Variants in USP48 observed in about 807,000 individuals in gnomAD.
The protein encoded by USP48 is ubiquitin specific peptidase 48.
Under a neutral mutation model 150.7 loss-of-function variants are expected in USP48, and 43 were observed. The ratio of observed to expected loss-of-function variants is 0.29; its 90% CI spans 0.22 to 0.37. USP48 has a LOEUF of 0.37. USP48 is among the 10% of genes least tolerant of loss of function. USP48 has a pLI of 1.00. For missense variants in USP48, 813 were observed against 1,249.6 expected (o/e 0.65, Z 5.27); for synonymous variants, 396 against 425.9 (o/e 0.93, Z 0.86).
intron 11 of USP48, among the ~76,000 whole-genome samples, chr1:21,725,894 T>C (rs7554400): frequency 0.73 from 111,301 of 152,070 alleles, 41,260 homozygotes; most frequent in Admixed American, 0.81. Context: ...CTGCCAGGGA[T>C]AGAGTACACT....
At chr1:21,722,006 CTAAA>C (rs753987690) in intron 12 of USP48, among the ~76,000 whole-genome samples, 1 of 151,954 alleles carries the variant, frequency 6.6e-6, no homozygotes, top group Non-Finnish European at 1.5e-5. Context: ...TTAAAAGTAT[CTAAA>C]TACAGTATCT....
At chr1:21,680,661 A>G in intron 26 of USP48, 147 bp downstream of exon 26, 1 of 759,040 alleles carries the variant, frequency 1.3e-6, no homozygotes, top group Non-Finnish European at 2.1e-6. Flanking sequence ...AAGAAGCTTG[A>G]GTAAGAAATG....
chr1:21,762,995 T>C (rs988874344), intron 1 of USP48, among the ~76,000 whole-genome samples: 3 of 152,082 alleles, frequency 2.0e-5, no homozygotes, highest in African/African-American at 7.2e-5. Context: ...CTCCAGTTCC[T>C]GATAGCAAAA....
intron 9 of USP48, among the ~76,000 whole-genome samples, chr1:21,733,957 A>G (rs1301580635): frequency 6.6e-6 from 1 of 152,156 alleles, no homozygotes; most frequent in Non-Finnish European, 1.5e-5. Flanking sequence ...CGCTCAACCC[A>G]GTTAATGTGC....
intron 1 of USP48, among the ~76,000 whole-genome samples, chr1:21,758,185 AACACACACACAC>A (rs149088635): frequency 1.2e-3 from 168 of 141,446 alleles, no homozygotes; most frequent in East Asian, 0.011. Context: ...GCAACTGTAA[AACACACACACAC>A]ACACACACAC....
intron 1 of USP48, among the ~76,000 whole-genome samples, chr1:21,770,040 C>T (rs1336002148): frequency 6.6e-6 from 1 of 151,824 alleles, no homozygotes; most frequent in African/African-American, 2.4e-5. Context: ...ATGTACAGCA[C>T]TGTTGGTCCC....
intron 9 of USP48, among the ~76,000 whole-genome samples, chr1:21,730,835 A>G (rs2097754999): frequency 6.7e-6 from 1 of 149,656 alleles, no homozygotes; most frequent in Non-Finnish European, 1.5e-5. Context: ...ATCTTGGCTC[A>G]CTGCAACCTC....
intron 23 of USP48, among the ~76,000 whole-genome samples, chr1:21,693,437 C>T (rs992827975): frequency 2.6e-5 from 4 of 152,162 alleles, no homozygotes; most frequent in African/African-American, 7.2e-5. Context: ...TTTTCTTTGA[C>T]TCTGTTTGGC....
chr1:21,713,494 C>T (rs1018046277), intron 15 of USP48, among the ~76,000 whole-genome samples: 1 of 152,118 alleles, frequency 6.6e-6, no homozygotes, highest in African/African-American at 2.4e-5. Flanking sequence ...GTATTCAAAA[C>T]TGTCAGTACT....
chr1:21,681,642 T>C (rs934313787), intron 25 of USP48, among the ~76,000 whole-genome samples: 1 of 152,304 alleles, frequency 6.6e-6, no homozygotes, highest in African/African-American at 2.4e-5. Context: ...ACATAGCACC[T>C]GCCCCGACCC....
intron 11 of USP48, chr1:21,725,238 A>G (rs1022821173): frequency 4.6e-5 from 7 of 152,204 alleles, no homozygotes; most frequent in African/African-American, 1.4e-4. Flanking sequence ...GGTCTAATCC[A>G]AGTTCTGCTA....
At chr1:21,775,623 A>C (rs1238329115) in intron 1 of USP48, among the ~76,000 whole-genome samples, 1 of 152,242 alleles carries the variant, frequency 6.6e-6, no homozygotes, top group Non-Finnish European at 1.5e-5. Flanking sequence ...GGCTTTCTAG[A>C]GTGCTTCACA....
intron 1 of USP48, among the ~76,000 whole-genome samples, chr1:21,779,568 T>A (rs1229030161): frequency 2.0e-5 from 3 of 151,430 alleles, no homozygotes; most frequent in Non-Finnish European, 4.4e-5. Flanking sequence ...ATAATAATAA[T>A]AAAAAGTTAA....
intron 1 of USP48, among the ~76,000 whole-genome samples, chr1:21,764,684 C>A (rs188942772): frequency 1.9e-4 from 28 of 146,576 alleles, no homozygotes; most frequent in African/African-American, 6.4e-4. Flanking sequence ...CCCACACCAG[C>A]CTGGGTGACA....
rs972810609 is a variant in USP48, at chr1:21,743,462, T to C, written c.991+3605A>G. On this transcript the variant is annotated intron_variant, in intron 8 of 26. Coordinates refer to ENST00000308271, the MANE Select transcript of USP48 (RefSeq NM_032236.8). ...ATCACCAGTGGGGTTCCTCTCCCAC[T>C]ACCTTCAATAACCCAGGTGAAGAAG... 2.0e-5 allele frequency among the ~76,000 whole-genome samples: 3 copies of C among 152,176 alleles called. No homozygotes were observed. In the East Asian group the frequency reaches 5.8e-4, roughly 29 times the overall value.
chr1:21,711,250 G>T (rs1160159232), intron 15 of USP48, among the ~76,000 whole-genome samples: 1 of 152,152 alleles, frequency 6.6e-6, no homozygotes, highest in East Asian at 1.9e-4. Context: ...TTGCTACACT[G>T]CAGTACTGTC....
intron 1 of USP48, among the ~76,000 whole-genome samples, chr1:21,759,331 A>G (rs1027261162): frequency 6.6e-6 from 1 of 152,294 alleles, no homozygotes; most frequent in South Asian, 2.1e-4. Context: ...GTGACTGACC[A>G]AAGTAACTTA....
At chr1:21,686,961 A>C (rs1378185340) in intron 25 of USP48, 3 of 539,922 alleles carry the variant, frequency 5.6e-6, no homozygotes, top group Non-Finnish European at 9.8e-6. Flanking sequence ...CCTCCTCCAC[A>C]GGCAGAGCTC....
chr1:21,759,077 G>C (rs2097843763), intron 1 of USP48, among the ~76,000 whole-genome samples: 1 of 150,968 alleles, frequency 6.6e-6, no homozygotes, highest in African/African-American at 2.4e-5. Flanking sequence ...CTGAAGACTG[G>C]AGGCTGATGC....
Sources: allele counts gnomAD v4.1 joint callset (sites outside exome capture counted in the v4.1 genomes callset), GRCh38; gene constraint gnomAD v4.1.1; transcripts MANE v1.5; gene names NCBI Gene and HGNC (gene_info 2026-07-23, HGNC 2026-07-21).